RSBN1L: variants seen among roughly 807,000 people sequenced by gnomAD.
The protein encoded by RSBN1L is round spermatid basic protein 1 like.
In RSBN1L, 30 loss-of-function variants were observed where a neutral mutation model predicts 67.7. That is an observed-to-expected ratio of 0.44 (90% CI 0.33 to 0.60). RSBN1L has a LOEUF of 0.60. RSBN1L is among the 20% of genes least tolerant of loss of function. The pLI, the probability that RSBN1L is intolerant of heterozygous loss-of-function variation, is 0.02. For synonymous variants in RSBN1L, 433 were observed against 387.0 expected (o/e 1.12, Z -1.39); for missense variants, 992 against 1,031.7 (o/e 0.96, Z 0.53).
chr7:77,765,350 C>T, intron 3 of RSBN1L, 145 bp from the exon 4 acceptor site: 1 of 636,164 alleles, frequency 1.6e-6, no homozygotes, highest in Non-Finnish European at 2.4e-6. Context: ...TTTTGCTTGC[C>T]TCATTATGAT....
At chr7:77,724,677 T>C (rs1736382621) in intron 1 of RSBN1L, among the ~76,000 whole-genome samples, 1 of 151,980 alleles carries the variant, frequency 6.6e-6, no homozygotes, top group Non-Finnish European at 1.5e-5. Context: ...CCACCTGCCT[T>C]GCCCTCACAA....
At chr7:77,761,574 A>C (rs1057235718) in intron 3 of RSBN1L, among the ~76,000 whole-genome samples, 5 of 152,210 alleles carry the variant, frequency 3.3e-5, no homozygotes, top group African/African-American at 1.2e-4. Context: ...AAAATCAAGA[A>C]GTATTTACAT....
Position 77,765,643 on chromosome 7 carries a change from A to G in RSBN1L, c.1482+11A>G, listed in dbSNP as rs1209399685. ...TCACCATTTTTAAAAGTAAGAGACA[A>G]TCTGTCATGGGATTAGAGTTTTTTT... On this transcript the variant is annotated intron_variant, in intron 4 of 7. Coordinates refer to ENST00000334955, the MANE Select transcript of RSBN1L (RefSeq NM_198467.3). The G allele has an allele frequency of 1.9e-6, 3 of 1,582,320 alleles. No individual in the cohort carries two copies. Among genetic ancestry groups the G allele is most frequent in the East Asian group, 2.3e-5 (1 of 44,354 alleles).
intron 3 of RSBN1L, among the ~76,000 whole-genome samples, chr7:77,753,193 AT>A: frequency 6.6e-6 from 1 of 152,350 alleles, no homozygotes; most frequent in Non-Finnish European, 1.5e-5. Flanking sequence ...ATCAAAACAT[AT>A]GCACCTATTC....
At chr7:77,751,010 G>A (rs1424469131) in intron 3 of RSBN1L, among the ~76,000 whole-genome samples, 1 of 152,052 alleles carries the variant, frequency 6.6e-6, no homozygotes, top group African/African-American at 2.4e-5. Flanking sequence ...GTTCCTTTTT[G>A]GATGGGTGCT....
In RSBN1L at chr7:77,749,572, A is replaced by T. The variant is rs1562804411; in HGVS notation, c.852A>T (p.Leu284=). The T allele has an allele frequency of 1.9e-6, 3 of 1,613,898 alleles. No individual in the cohort carries two copies. Among genetic ancestry groups the T allele is most frequent in the Non-Finnish European group, 2.5e-6 (3 of 1,179,998 alleles). Residue 284 remains leucine, a synonymous_variant, in exon 3 of 8, where the codon CTA becomes CTT. Transcript: ENST00000334955. ...TTCAGACCATCTGCTCAGGATTGCTAACTGATGTTGAAGATCAAGCAGCCA... is the reference window on the plus strand; with the variant it reads ...TTCAGACCATCTGCTCAGGATTGCTTACTGATGTTGAAGATCAAGCAGCCA... ...KSIQTICSGL[L]TDVEDQAAKG...
chr7:77,701,908 C>G (rs1790823619), intron 1 of RSBN1L, among the ~76,000 whole-genome samples: 1 of 152,146 alleles, frequency 6.6e-6, no homozygotes, highest in Non-Finnish European at 1.5e-5. Context: ...CTGCCTTGGC[C>G]TCCCAAAGTG....
At chr7:77,715,616 G>A (rs1443018100) in intron 1 of RSBN1L, among the ~76,000 whole-genome samples, 1 of 152,142 alleles carries the variant, frequency 6.6e-6, no homozygotes, top group Non-Finnish European at 1.5e-5. Flanking sequence ...CCTAGCAGTG[G>A]AATTGTTGGG....
intron 1 of RSBN1L, among the ~76,000 whole-genome samples, chr7:77,702,322 T>C (rs1391244352): frequency 6.6e-6 from 1 of 152,220 alleles, no homozygotes; most frequent in Admixed American, 6.5e-5. Context: ...TTCAGTATTA[T>C]AGTATTTTGT....
chr7:77,716,379 G>A (rs906034504), intron 1 of RSBN1L, among the ~76,000 whole-genome samples: 22 of 150,510 alleles, frequency 1.5e-4, no homozygotes, highest in African/African-American at 5.4e-4. Context: ...CTGCAGGAGT[G>A]TGGTGGTGCG....
Position 77,782,361 on chromosome 7 carries a change from C to T in RSBN1L, c.*3193C>T, listed in dbSNP as rs940070090. The T allele has an allele frequency of 2.0e-5, 3 of 151,604 alleles. No homozygotes were observed. Among genetic ancestry groups the T allele is most frequent in the African/African-American group, 7.3e-5 (3 of 40,916 alleles). The allele number at this position is 151,604 out of a possible 1,614,324, so 9.4% of individuals were successfully genotyped here. Reference sequence around the variant, plus strand: ...TATTAAATGAGTATACAGACCTTTACATAAAAACTAAGGTACCTCAGTGGA... The same window carrying T: ...TATTAAATGAGTATACAGACCTTTATATAAAAACTAAGGTACCTCAGTGGA... On this transcript the variant is annotated 3_prime_UTR_variant, in exon 8 of 8. Coordinates refer to ENST00000334955, the MANE Select transcript of RSBN1L (RefSeq NM_198467.3).
chr7:77,759,040 TA>T (rs1480380293), intron 3 of RSBN1L, among the ~76,000 whole-genome samples: 1 of 152,232 alleles, frequency 6.6e-6, no homozygotes, highest in African/African-American at 2.4e-5. Flanking sequence ...AACTGATGAT[TA>T]AAAGTCTATT....
intron 6 of RSBN1L, among the ~76,000 whole-genome samples, chr7:77,777,529 T>G (rs1309500613): frequency 1.3e-5 from 2 of 152,058 alleles, no homozygotes. Context: ...GACTTTTTCT[T>G]CTAATACTTT....
At chr7:77,755,062 G>A (rs1050577357) in intron 3 of RSBN1L, among the ~76,000 whole-genome samples, 1 of 152,146 alleles carries the variant, frequency 6.6e-6, no homozygotes, top group Non-Finnish European at 1.5e-5. Context: ...ATACTGCTGT[G>A]TGAAATTGCT....
intron 6 of RSBN1L, among the ~76,000 whole-genome samples, chr7:77,774,908 C>CTA (rs1330676652): frequency 1.3e-5 from 2 of 152,186 alleles, no homozygotes; most frequent in East Asian, 3.9e-4. Flanking sequence ...GTTGCCCAGG[C>CTA]TATAGTTCAG....
intron 2 of RSBN1L, among the ~76,000 whole-genome samples, chr7:77,737,782 G>T (rs113037613): frequency 1.8e-3 from 268 of 152,246 alleles, no homozygotes; most frequent in African/African-American, 6.3e-3. Context: ...CAGCAATTTG[G>T]GAGGCCGAGG....
In RSBN1L at chr7:77,734,237, T is replaced by C. The variant is rs373970957; in HGVS notation, c.587-2173T>C. On this transcript the variant is annotated intron_variant, in intron 1 of 7. Coordinates refer to ENST00000334955, the MANE Select transcript of RSBN1L (RefSeq NM_198467.3). ...ACTGGAAGGGAACACAGAAGGATTC[T>C]GTGGTGCCGTTTCACAAGTATCTTC... Among the ~76,000 whole-genome samples, 17 of 152,342 alleles carry C rather than the reference T, an allele frequency of 1.1e-4. No homozygotes were observed. In the East Asian group the frequency reaches 3.1e-3, roughly 28 times the overall value.
chr7:77,728,317 A>G (rs1032922505), intron 1 of RSBN1L, among the ~76,000 whole-genome samples: 2 of 152,206 alleles, frequency 1.3e-5, no homozygotes, highest in African/African-American at 2.4e-5. Context: ...ATAAAATTGT[A>G]TGTTAAAAAT....
At chr7:77,725,625 G>A (rs1584283666) in intron 1 of RSBN1L, among the ~76,000 whole-genome samples, 1 of 151,294 alleles carries the variant, frequency 6.6e-6, no homozygotes, top group Non-Finnish European at 1.5e-5. Flanking sequence ...AGATTATATC[G>A]TTTACTATTT....
Sources: gnomAD v4.1 joint callset for allele counts (sites outside exome capture counted in the v4.1 genomes callset) on GRCh38, gnomAD v4.1.1 for gene constraint, MANE v1.5 for transcripts, NCBI Gene and HGNC (gene_info 2026-07-23, HGNC 2026-07-21) for gene names.